ZP2: variants seen among roughly 807,000 people sequenced by gnomAD.
ZP2 encodes the protein zona pellucida sperm-binding protein 2.
ZP2 carries 51 observed loss-of-function variants against 84.0 expected under a neutral mutation model. That is an observed-to-expected ratio of 0.61 (90% CI 0.49 to 0.77). The LOEUF (loss-of-function observed/expected upper bound fraction) is 0.77, where lower values mean the gene tolerates loss of function less well. ZP2 is among the 30% of genes least tolerant of loss of function. The pLI is 0.00. For synonymous variants in ZP2, 375 were observed against 330.9 expected, an observed-to-expected ratio of 1.13 and a Z score of -1.45; for missense variants, 909 against 911.9, an observed-to-expected ratio of 1.00 and a Z score of 0.04.
chr16:21,209,992 T>A, intron 3 of ZP2, 117 bp downstream of exon 3: 1 of 909,648 alleles, frequency 1.1e-6, no homozygotes, highest in Non-Finnish European at 1.8e-6. Flanking sequence ...CATGGCATCA[T>A]GGGAGTTGGA....
chr16:21,204,192 G>A lies in ZP2; in HGVS notation c.810C>T (p.Ala270=), dbSNP rs1293108369. ...ICAPDPVTCN[A]THMTLTIPEF... ...CTGGTATGGTGAGAGTCATGTGTGT[G>A]GCATTGCAGGTCACAGGATCTAGAA... is the stretch of plus-strand genomic sequence containing the variant. The change falls in exon 9 of 19, where the codon GCC becomes GCT. Residue 270 remains alanine (A), a synonymous_variant. Coordinates refer to ENST00000574091, the MANE Select transcript of ZP2 (RefSeq NM_001376232.1). 2 of 1,614,090 alleles carry A rather than the reference G, an allele frequency of 1.2e-6. No individual in the cohort carries two copies. Among genetic ancestry groups the A allele is most frequent in the South Asian group, 1.1e-5 (1 of 91,084 alleles).
chr16:21,211,984 C>G (rs1197321871), upstream of ZP2, among the ~76,000 whole-genome samples: 3 of 150,566 alleles, frequency 2.0e-5, no homozygotes, highest in African/African-American at 7.4e-5. Flanking sequence ...CTGGAGTGCA[C>G]TGGTGCAATC....
In ZP2 at chr16:21,199,768, G is replaced by C; in HGVS notation, c.1805C>G (p.Ser602Ter). 1 of 1,614,102 alleles carries C rather than the reference G, an allele frequency of 6.2e-7. No homozygotes were observed. Among genetic ancestry groups the C allele is most frequent in the Non-Finnish European group, 8.5e-7 (1 of 1,180,006 alleles). Residue 602 changes from serine to a stop codon, truncating the protein, a stop_gained, in exon 15 of 19, where the codon TCA becomes TGA. Transcript: ENST00000574091. LOFTEE classifies it high-confidence loss of function. ...CAGGCTAGAGAGCACGTGGGCTTCT[G>C]ATACAAAGGCAAAAGCCTTCATGTC... is the stretch of plus-strand genomic sequence containing the variant. ...RFDMKAFAFV[S>*]EAHVLSSLVY... is the part of the protein sequence containing the mutation.
intron 9 of ZP2, among the ~76,000 whole-genome samples, 171 bp from the exon 10 acceptor site, chr16:21,203,422 T>C (rs2093235382): frequency 6.6e-6 from 1 of 152,114 alleles, no homozygotes; most frequent in Admixed American, 6.5e-5. Flanking sequence ...TCTGGATGTA[T>C]CCCCAGGCAG....
At position 21,203,179 on chromosome 16, in the gene ZP2, T is replaced by C; in HGVS notation, c.1045A>G (p.Thr349Ala). The change falls in exon 10 of 19, where the codon ACA becomes GCA. Residue 349 changes from threonine to alanine, a missense_variant. Thr to Ala is a moderately conservative substitution (Grantham distance 58). Coordinates refer to ENST00000574091, the MANE Select transcript of ZP2 (RefSeq NM_001376232.1). The stretch of plus-strand genomic sequence containing the variant: ...TCAGGATAGATCACCATGGATACTG[T>C]CTCTGGCCGAAGGAGAAAGGTCAGC... ...LKLTFLLRPE[T>A]VSMVIYPECL... 1 of 1,613,932 alleles carries C rather than the reference T, an allele frequency of 6.2e-7. No homozygotes were observed. The highest frequency in any genetic ancestry group is 1.1e-5 in the South Asian group (1 of 91,064).
rs768610724 is a variant in ZP2 at position 21,205,566 on chromosome 16, C to G, written c.547G>C (p.Gly183Arg). ...DDSKGTKVQM[G>R]WSIEVGDGAR... ...CCATCACCAACCTCAATGCTCCATC[C>G]CATCTGAACTTTGGTCCCCTGAAGT... Residue 183 changes from glycine to arginine, a missense_variant, in exon 7 of 19, where the codon GGA becomes CGA. By Grantham distance (125) the Gly-to-Arg change is moderately radical (BLOSUM62 -2). Coordinates refer to ENST00000574091, the MANE Select transcript of ZP2 (RefSeq NM_001376232.1). The G allele has an allele frequency of 1.2e-6, 2 of 1,614,102 alleles. No individual in the cohort carries two copies. Among genetic ancestry groups the G allele is most frequent in the Non-Finnish European group, 1.7e-6 (2 of 1,180,004 alleles).
At chr16:21,209,772 G>A (rs1214099710) in intron 3 of ZP2, 47 bp from the exon 4 acceptor site, 1 of 1,548,302 alleles carries the variant, frequency 6.5e-7, no homozygotes, top group Non-Finnish European at 8.9e-7. Flanking sequence ...GTACATTTCA[G>A]TGACAGTCCA....
At position 21,203,019 on chromosome 16, in the gene ZP2, A is replaced by G. The variant is rs576169118; in HGVS notation, c.1099+106T>C. On this transcript the variant is annotated intron_variant, in intron 10 of 18. Coordinates refer to ENST00000574091, the MANE Select transcript of ZP2 (RefSeq NM_001376232.1). ...AATCTGACTAGTCTTTAGTTTCTTCAGTCTATAAGCAATAGATCAGAATCT... is the reference window on the plus strand; with the variant it reads ...AATCTGACTAGTCTTTAGTTTCTTCGGTCTATAAGCAATAGATCAGAATCT... The G allele has an allele frequency of 2.9e-5, 39 of 1,344,690 alleles. 1 individual carries two copies. The African/African-American group carries it at 4.3e-4, about 15-fold the overall frequency. 83.3% of individuals were successfully genotyped at this position (1,344,690 alleles called of 1,614,324 possible).
In ZP2 at chr16:21,205,471, G is replaced by A. The variant is rs765678291; in HGVS notation, c.642C>T (p.His214=). ...TGAATGGCACATGGAAGGTCATCCT[G>A]TGGTTGTCAATCAAGAGGCTGAAGC... ...KEGFSLLIDN[H]RMTFHVPFNA... Residue 214 remains histidine, a synonymous_variant, in exon 7 of 19, where the codon CAC becomes CAT. Transcript: ENST00000574091. 3.1e-6 allele frequency: 5 copies of A among 1,613,988 alleles called. No homozygotes were observed. The African/African-American group carries it at 5.3e-5, about 17-fold the overall frequency.
chr16:21,205,498 T>TTCC lies in ZP2; in HGVS notation c.612_614dup (p.Glu205dup). 3.1e-6 allele frequency: 5 copies of TTCC among 1,614,064 alleles called. No individual in the cohort carries two copies. Among genetic ancestry groups the TTCC allele is most frequent in the Non-Finnish European group, 4.2e-6 (5 of 1,179,982 alleles). On this transcript the variant is annotated inframe_insertion, in exon 7 of 19. Transcript: ENST00000574091. ...GGTTGTCAATCAAGAGGCTGAAGCCTTCCTTCATGGCCTCTGGCAGGGTCA... is the reference window on the plus strand; with the variant it reads ...GGTTGTCAATCAAGAGGCTGAAGCCTTCCTCCTTCATGGCCTCTGGCAGGGTCA...
Position 21,204,216 on chromosome 16 carries a change from A to G in ZP2, c.791-5T>C. On this transcript the variant is annotated splice_polypyrimidine_tract_variant and splice_region_variant and intron_variant, in intron 8 of 18. Coordinates refer to ENST00000574091, the MANE Select transcript of ZP2 (RefSeq NM_001376232.1). ...TGGCATTGCAGGTCACAGGATCTAG[A>G]AGGAATGACAACAGAATGCCCATTA... The G allele has an allele frequency of 6.2e-7, 1 of 1,614,126 alleles. No individual in the cohort carries two copies. The highest frequency in any genetic ancestry group is 8.5e-7 in the Non-Finnish European group (1 of 1,179,996).
At position 21,206,883 on chromosome 16, in the gene ZP2, G is replaced by T; in HGVS notation, c.438C>A (p.Thr146=). ...AGATTGTAGATGCTGAAAGCCCCTGGGTCTCTTCTACTTGCATAGCTGGAC... is the reference window on the plus strand; with the variant it reads ...AGATTGTAGATGCTGAAAGCCCCTGTGTCTCTTCTACTTGCATAGCTGGAC... ...FFCPAMQVEE[T]QGLSASTICQ... Residue 146 remains threonine, a synonymous_variant, in exon 5 of 19, where the codon ACC becomes ACA. Transcript: ENST00000574091. 6.2e-7 allele frequency: 1 copy of T among 1,614,022 alleles called. No homozygotes were observed. The highest frequency in any genetic ancestry group is 8.5e-7 in the Non-Finnish European group (1 of 1,179,990).
chr16:21,206,369 G>A (rs1355404082), intron 5 of ZP2, among the ~76,000 whole-genome samples: 2 of 152,172 alleles, frequency 1.3e-5, no homozygotes, highest in African/African-American at 4.8e-5. Context: ...AAGCCATGCA[G>A]TTCTATCATT....
At chr16:21,198,235 AAAT>A (rs964591655) in intron 17 of ZP2, among the ~76,000 whole-genome samples, 12 of 151,994 alleles carry the variant, frequency 7.9e-5, no homozygotes, top group South Asian at 4.2e-4. Context: ...TCTCTACTAA[AAAT>A]AATAAAATTA....
chr16:21,203,965 C>A, intron 9 of ZP2, 65 bp downstream of exon 9: 1 of 1,577,644 alleles, frequency 6.3e-7, no homozygotes, highest in Non-Finnish European at 8.6e-7. Flanking sequence ...CGTATGAGGA[C>A]TACCCACAAG....
At chr16:21,209,594 C>G in intron 4 of ZP2, 37 bp downstream of exon 4, 4 of 1,595,858 alleles carry the variant, frequency 2.5e-6, no homozygotes, top group Non-Finnish European at 3.4e-6. Flanking sequence ...TAGGTTACTA[C>G]GTACTTCCCC....
At chr16:21,211,452 C>A in intron 1 of ZP2, 34 bp downstream of exon 1, 1 of 1,614,032 alleles carries the variant, frequency 6.2e-7, no homozygotes. Context: ...ACAAAGCTAC[C>A]ATACCCCCTC....
At position 21,203,144 on chromosome 16, in the gene ZP2, A is replaced by C; in HGVS notation, c.1080T>G (p.Cys360Trp). Residue 360 changes from cysteine to tryptophan, a missense_variant, in exon 10 of 19, where the codon TGT (cysteine) becomes TGG (tryptophan). By Grantham distance (215) the Cys-to-Trp change is radical. Transcript: ENST00000574091. ...VSMVIYPECL[C>W]ESPVSIVTGE... ...CTTTACCTATAGAAACGGGTGACTC[A>C]CAGAGACACTCAGGATAGATCACCA... is the stretch of plus-strand genomic sequence containing the variant. 1 of 1,613,802 alleles carries C rather than the reference A, an allele frequency of 6.2e-7. No individual in the cohort carries two copies.
In ZP2 at chr16:21,199,318, C is replaced by CAAAAAAAAAAA. The variant is rs10644558; in HGVS notation, c.1927+241_1927+251dup. On this transcript the variant is annotated intron_variant, in intron 16 of 18. Coordinates refer to ENST00000574091, the MANE Select transcript of ZP2 (RefSeq NM_001376232.1). ...CTGGGCAACAAGAGCAAAACTGTCT[C>CAAAAAAAAAAA]AAAAAAAAAAAAAAAAAAAAAAAAA... is the stretch of plus-strand genomic sequence containing the variant. Among the ~76,000 whole-genome samples, 4 of 45,728 alleles carry CAAAAAAAAAAA rather than the reference C, an allele frequency of 8.7e-5. 1 individual carries two copies. Among genetic ancestry groups the CAAAAAAAAAAA allele is most frequent in the African/African-American group, 4.8e-4 (4 of 8,336 alleles). The allele number at this position is 45,728 out of a possible 152,430, so 30.0% of individuals were successfully genotyped here. A position where few individuals can be genotyped will look rare whatever the true frequency, so the allele number is the denominator to read the frequency against.
Sources: gnomAD v4.1 joint callset for allele counts (sites outside exome capture counted in the v4.1 genomes callset) on GRCh38, gnomAD v4.1.1 for gene constraint, MANE v1.5 for transcripts, NCBI Gene and HGNC (gene_info 2026-07-23, HGNC 2026-07-21) for gene names.